The following KCNMA1 variants were observed in gnomAD, a reference collection of about 807,000 sequenced individuals.
KCNMA1 encodes potassium calcium-activated channel subfamily M alpha 1, also known as Calcium-activated potassium channel subunit alpha-1.
A neutral mutation model predicts 140.0 loss-of-function variants in KCNMA1; 29 were observed. That is an observed-to-expected ratio of 0.21 (90% confidence interval 0.15 to 0.28). The LOEUF (loss-of-function observed/expected upper bound fraction) is 0.28. Ranked by LOEUF, KCNMA1 falls within the 10% of genes least tolerant of loss-of-function variation. The pLI is 1.00. For synonymous variants in KCNMA1, 612 were observed against 611.9 expected (o/e 1.00, Z 0.00); for missense variants, 880 against 1,602.2 (o/e 0.55, Z 7.70).
intron 2 of KCNMA1, among the ~76,000 whole-genome samples, chr10:77,327,296 A>G (rs1019967434): frequency 1.3e-5 from 2 of 151,184 alleles, no homozygotes; most frequent in Non-Finnish European, 2.9e-5. Flanking sequence ...ACAAGCTTGA[A>G]TCCCAAGCAG....
intron 25 of KCNMA1, among the ~76,000 whole-genome samples, chr10:76,893,957 A>AT (rs1251778320): frequency 2.0e-5 from 3 of 152,144 alleles, no homozygotes; most frequent in African/African-American, 2.4e-5. Context: ...CACAAAGTCC[A>AT]TTTTTTTGTA....
At chr10:77,599,445 A>C (rs538091532) in intron 1 of KCNMA1, among the ~76,000 whole-genome samples, 1 of 152,102 alleles carries the variant, frequency 6.6e-6, no homozygotes, top group East Asian at 1.9e-4. Flanking sequence ...TTATGTCTCT[A>C]TTGGTTTTCT....
At chr10:77,463,653 T>C (rs189039268) in intron 1 of KCNMA1, among the ~76,000 whole-genome samples, 96 of 152,288 alleles carry the variant, frequency 6.3e-4, no homozygotes, top group African/African-American at 2.3e-3. Flanking sequence ...GAACAGGGAC[T>C]GTGAGCCCAG....
At chr10:77,519,365 G>A (rs1054842952) in intron 1 of KCNMA1, among the ~76,000 whole-genome samples, 2 of 152,176 alleles carry the variant, frequency 1.3e-5, no homozygotes, top group Non-Finnish European at 2.9e-5. Flanking sequence ...TCCTTGACTT[G>A]CAAAACAGGG....
intron 12 of KCNMA1, among the ~76,000 whole-genome samples, chr10:77,081,261 C>A (rs1477072270): frequency 6.6e-6 from 1 of 152,158 alleles, no homozygotes; most frequent in African/African-American, 2.4e-5. Flanking sequence ...AGCAACAGTA[C>A]CTGCTTTATT....
intron 3 of KCNMA1, among the ~76,000 whole-genome samples, chr10:77,246,276 G>A (rs1330560360): frequency 6.6e-6 from 1 of 152,218 alleles, no homozygotes; most frequent in Non-Finnish European, 1.5e-5. Context: ...GGCTATGCCT[G>A]CAGCTTCAGC....
chr10:76,965,275 T>C (rs972801374), intron 20 of KCNMA1, among the ~76,000 whole-genome samples: 2 of 152,170 alleles, frequency 1.3e-5, no homozygotes, highest in Non-Finnish European at 2.9e-5. Flanking sequence ...AGGAATTACG[T>C]GTGTCCTTGG....
intron 1 of KCNMA1, among the ~76,000 whole-genome samples, chr10:77,606,482 C>T (rs1296196362): frequency 1.3e-5 from 2 of 152,156 alleles, no homozygotes; most frequent in Non-Finnish European, 2.9e-5. Context: ...CAGTAGTGCG[C>T]ACCTGTAGTC....
At chr10:77,619,148 A>G (rs1165940445) in intron 1 of KCNMA1, among the ~76,000 whole-genome samples, 1 of 152,228 alleles carries the variant, frequency 6.6e-6, no homozygotes, top group African/African-American at 2.4e-5. Context: ...GTAGTGGCTT[A>G]AAACAATCAT....
intron 1 of KCNMA1, among the ~76,000 whole-genome samples, chr10:77,554,074 G>C (rs1019005706): frequency 1.3e-5 from 2 of 152,018 alleles, no homozygotes; most frequent in African/African-American, 4.8e-5. Context: ...AAGCCCACAG[G>C]GTTCCTCACT....
In KCNMA1 at chr10:77,466,526, G is replaced by A. The variant is rs141671085; in HGVS notation, c.379-62503C>T. On this transcript the variant is annotated intron_variant, in intron 1 of 27. Transcript: ENST00000286628. ...GTCCTCAAAGAGCTTATTCTCTAGT[G>A]AGAGACAAAGGCCAATCAAGTACAC... Among the ~76,000 whole-genome samples the A allele has an allele frequency of 2.9e-3, 447 of 152,306 alleles. 1 individual carries two copies. Among genetic ancestry groups the A allele is most frequent in the Admixed American group, 6.1e-3 (93 of 15,302 alleles).
intron 25 of KCNMA1, among the ~76,000 whole-genome samples, chr10:76,892,613 A>T (rs972047924): frequency 2.6e-5 from 4 of 152,206 alleles, no homozygotes; most frequent in Non-Finnish European, 4.4e-5. Context: ...CACTTTGGAA[A>T]GAGGTAAGGA....
At chr10:77,607,234 A>G (rs2084871876) in intron 1 of KCNMA1, among the ~76,000 whole-genome samples, 1 of 152,248 alleles carries the variant, frequency 6.6e-6, no homozygotes, top group African/African-American at 2.4e-5. Context: ...GCAGGTGAGG[A>G]GGATAATGGA....
intron 3 of KCNMA1, chr10:77,249,994 G>C (rs2059383745): frequency 3.3e-5 from 5 of 152,192 alleles, no homozygotes; most frequent in Non-Finnish European, 1.5e-5. Context: ...GATTCCCAGA[G>C]ACAGGTTATT....
rs1012584558 is a variant in KCNMA1, at chr10:76,971,974, G to T, written c.2267-1907C>A. 3.0e-3 allele frequency among the ~76,000 whole-genome samples: 446 copies of T among 148,892 alleles called. 4 individuals carry two copies. Among genetic ancestry groups the T allele is most frequent in the African/African-American group, 0.01 (407 of 40,548 alleles). ...GGTAGAAAGGCAGCGAGGGTGTGTG[G>T]GTGTGTGTGTGTGTGTGTGTGTGTA... is the stretch of plus-strand genomic sequence containing the variant. On this transcript the variant is annotated intron_variant, in intron 19 of 27. Transcript: ENST00000286628.
At chr10:77,100,647 GC>G (rs2097074294) in intron 9 of KCNMA1, among the ~76,000 whole-genome samples, 1 of 152,148 alleles carries the variant, frequency 6.6e-6, no homozygotes, top group Admixed American at 6.5e-5. Context: ...GAACCCCAAA[GC>G]TACCAGGAAC....
At chr10:77,278,956 A>G (rs993924936) in intron 2 of KCNMA1, among the ~76,000 whole-genome samples, 8 of 152,250 alleles carry the variant, frequency 5.3e-5, no homozygotes, top group Non-Finnish European at 7.4e-5. Flanking sequence ...ACACCTGAAG[A>G]TCCCCTCATG....
chr10:77,417,898 G>C (rs2096778203), intron 1 of KCNMA1, among the ~76,000 whole-genome samples: 1 of 152,192 alleles, frequency 6.6e-6, no homozygotes, highest in Non-Finnish European at 1.5e-5. Flanking sequence ...CAGGTTACCA[G>C]GCATACAGCG....
chr10:76,878,462 G>A (rs1015146045), intron 29 of KCNMA1, among the ~76,000 whole-genome samples: 7 of 152,128 alleles, frequency 4.6e-5, no homozygotes, highest in Non-Finnish European at 1.0e-4. Context: ...ACTTTGGGGG[G>A]TCTAAACTAA....
Sources: allele counts gnomAD v4.1 joint callset (sites outside exome capture counted in the v4.1 genomes callset), GRCh38; gene constraint gnomAD v4.1.1; transcripts MANE v1.5; gene names NCBI Gene and HGNC (gene_info 2026-07-23, HGNC 2026-07-21).